The following NEDD4L variants were observed in gnomAD, a reference collection of about 807,000 sequenced individuals.
NEDD4L encodes the protein E3 ubiquitin-protein ligase NEDD4-like.
Under a neutral mutation model 148.9 loss-of-function variants are expected in NEDD4L, and 54 were observed. The ratio of observed to expected loss-of-function variants is 0.36; its 90% CI spans 0.29 to 0.45. The LOEUF (loss-of-function observed/expected upper bound fraction) is 0.45. Among genes scored for constraint, NEDD4L ranks in the 20% least tolerant of loss-of-function variants. The probability of loss-of-function intolerance (pLI) is 1.00; values close to 1 mark genes in which losing one functional copy is unlikely to be tolerated. For synonymous variants in NEDD4L, 433 were observed against 440.7 expected (o/e 0.98, Z 0.22); for missense variants, 856 against 1,233.8 (o/e 0.69, Z 4.59).
intron 1 of NEDD4L, among the ~76,000 whole-genome samples, chr18:58,120,150 G>A (rs1010492100): frequency 5.3e-5 from 8 of 152,116 alleles, no homozygotes; most frequent in African/African-American, 1.4e-4. Flanking sequence ...CTGCCTTGAC[G>A]TCAGCCAGAT....
chr18:58,062,022 AGTTCTCCTAGT>A (rs1437733943), intron 1 of NEDD4L, among the ~76,000 whole-genome samples: 1 of 152,204 alleles, frequency 6.6e-6, no homozygotes. Flanking sequence ...CTAGGGACAG[AGTTCTCCTAGT>A]TGAACTCTTC....
intron 6 of NEDD4L, among the ~76,000 whole-genome samples, chr18:58,316,855 AG>A (rs1200966168): frequency 6.6e-6 from 1 of 152,236 alleles, no homozygotes; most frequent in Non-Finnish European, 1.5e-5. Context: ...GAGAGAGGAA[AG>A]GCGAATGTTT....
At chr18:58,180,558 C>T (rs1394997326) in intron 2 of NEDD4L, among the ~76,000 whole-genome samples, 1 of 152,206 alleles carries the variant, frequency 6.6e-6, no homozygotes, top group Non-Finnish European at 1.5e-5. Flanking sequence ...CTCTGCCTCC[C>T]CACCCCTTGG....
intron 1 of NEDD4L, chr18:58,044,934 C>A (rs559586308): frequency 2.1e-6 from 1 of 473,776 alleles, no homozygotes; most frequent in Non-Finnish European, 3.7e-6. Flanking sequence ...GCGCGACGCC[C>A]TTGGAGCTGG....
At chr18:58,045,884 C>T (rs1179084471) in intron 1 of NEDD4L, 1 of 152,256 alleles carries the variant, frequency 6.6e-6, no homozygotes, top group East Asian at 1.9e-4. Flanking sequence ...CCTTTCTTTT[C>T]AGAGGTTCCC....
At chr18:58,193,240 A>G (rs1443627367) in intron 2 of NEDD4L, among the ~76,000 whole-genome samples, 1 of 152,270 alleles carries the variant, frequency 6.6e-6, no homozygotes, top group Non-Finnish European at 1.5e-5. Context: ...AAATTAAACT[A>G]AATACCAATC....
In NEDD4L at chr18:58,396,158, C is replaced by T. The variant is rs1602110862; in HGVS notation, c.2826-9C>T. ...GGCTTTTCACCTACACTTTTTGTTC[C>T]TTTTGCAGCTTTAATCGCCTTGACT... On this transcript the variant is annotated splice_polypyrimidine_tract_variant and intron_variant, in intron 30 of 30. Transcript: ENST00000400345. The T allele has an allele frequency of 3.7e-6, 6 of 1,603,944 alleles. No homozygotes were observed. Among genetic ancestry groups the T allele is most frequent in the Non-Finnish European group, 4.3e-6 (5 of 1,171,526 alleles).
intron 2 of NEDD4L, among the ~76,000 whole-genome samples, chr18:58,203,156 G>A (rs930098678): frequency 5.3e-5 from 8 of 151,914 alleles, no homozygotes; most frequent in Non-Finnish European, 8.8e-5. Flanking sequence ...TTGTAGAGAC[G>A]GATTCTTACT....
chr18:58,217,575 A>C (rs1230164650), intron 2 of NEDD4L, among the ~76,000 whole-genome samples: 1 of 152,210 alleles, frequency 6.6e-6, no homozygotes, highest in Non-Finnish European at 1.5e-5. Flanking sequence ...TCTTGGGCTC[A>C]AGTGATCCTC....
intron 13 of NEDD4L, among the ~76,000 whole-genome samples, chr18:58,336,746 G>A (rs1212518891): frequency 1.3e-5 from 2 of 152,164 alleles, no homozygotes; most frequent in Non-Finnish European, 2.9e-5. Context: ...GCAACAGTCA[G>A]CCCCAGAACA....
At chr18:58,060,638 A>G (rs2082290551) in intron 1 of NEDD4L, among the ~76,000 whole-genome samples, 1 of 152,216 alleles carries the variant, frequency 6.6e-6, no homozygotes, top group Non-Finnish European at 1.5e-5. Flanking sequence ...AGGTTTCTTC[A>G]GAGGACTAGG....
intron 1 of NEDD4L, among the ~76,000 whole-genome samples, chr18:58,113,140 A>G (rs2085522257): frequency 6.6e-6 from 1 of 152,254 alleles, no homozygotes; most frequent in Non-Finnish European, 1.5e-5. Context: ...GCAGTCTGTG[A>G]TAGTTTGTTA....
intron 28 of NEDD4L, among the ~76,000 whole-genome samples, chr18:58,389,857 T>G (rs912691984): frequency 2.3e-4 from 35 of 152,010 alleles, no homozygotes; most frequent in Admixed American, 2.3e-3. Context: ...ATTTTAAAGA[T>G]GGGGTCTCAC....
At chr18:58,392,037 A>G (rs896025614) in intron 30 of NEDD4L, among the ~76,000 whole-genome samples, 10 of 152,232 alleles carry the variant, frequency 6.6e-5, no homozygotes, top group Non-Finnish European at 1.0e-4. Flanking sequence ...GGAGGAGGGT[A>G]AGAGGGCTGA....
chr18:58,210,222 A>G (rs1328784085), intron 2 of NEDD4L, among the ~76,000 whole-genome samples: 3 of 152,226 alleles, frequency 2.0e-5, no homozygotes, highest in Non-Finnish European at 4.4e-5. Context: ...GAAAGGAGAC[A>G]CAGGAGATAT....
intron 2 of NEDD4L, among the ~76,000 whole-genome samples, chr18:58,232,833 G>A (rs1177920317): frequency 1.3e-5 from 2 of 152,112 alleles, no homozygotes; most frequent in African/African-American, 4.8e-5. Context: ...TCTGAGAGTT[G>A]AGGGGAAACT....
chr18:58,386,050 T>G (rs1028207937), intron 26 of NEDD4L, among the ~76,000 whole-genome samples: 4 of 151,736 alleles, frequency 2.6e-5, no homozygotes, highest in African/African-American at 9.7e-5. Context: ...ATTGATTGAT[T>G]GATTGATTGA....
intron 5 of NEDD4L, among the ~76,000 whole-genome samples, chr18:58,315,695 T>G (rs1002924683): frequency 1.1e-4 from 16 of 152,168 alleles, no homozygotes; most frequent in Admixed American, 6.5e-5. Context: ...CCTCAAACCC[T>G]GCCTGTCTCT....
At chr18:58,118,684 C>G (rs868522802) in intron 1 of NEDD4L, among the ~76,000 whole-genome samples, 1 of 151,960 alleles carries the variant, frequency 6.6e-6, no homozygotes, top group Non-Finnish European at 1.5e-5. Context: ...TGCACTGAAT[C>G]TTTGAAGATG....
Sources: gnomAD v4.1 joint callset for allele counts (sites outside exome capture counted in the v4.1 genomes callset) on GRCh38, gnomAD v4.1.1 for gene constraint, MANE v1.5 for transcripts, NCBI Gene and HGNC (gene_info 2026-07-23, HGNC 2026-07-21) for gene names.